Variants in RNF150 observed in about 807,000 individuals in gnomAD.
RNF150 encodes ring finger protein 150.
In RNF150, 24 loss-of-function variants were observed where a neutral mutation model predicts 39.3. The ratio of observed to expected loss-of-function variants is 0.61; its 90% CI spans 0.44 to 0.86. The LOEUF (loss-of-function observed/expected upper bound fraction) is 0.86. Ranked by LOEUF, RNF150 falls within the 40% of genes least tolerant of loss-of-function variation. RNF150 has a pLI of 0.00. For synonymous variants in RNF150, 255 were observed against 227.3 expected, an observed-to-expected ratio of 1.12 and a Z score of -1.10; for missense variants, 502 against 587.8, an observed-to-expected ratio of 0.85 and a Z score of 1.51.
At chr4:141,034,883 G>A (rs1560700948) in intron 1 of RNF150, among the ~76,000 whole-genome samples, 1 of 152,024 alleles carries the variant, frequency 6.6e-6, no homozygotes, top group South Asian at 2.1e-4. Flanking sequence ...CACCAAAACA[G>A]ATATAATAAT....
At position 140,933,014 on chromosome 4, in the gene RNF150, G is replaced by A. The variant is rs758431907; in HGVS notation, c.891-6941C>T. On this transcript the variant is annotated intron_variant, in intron 4 of 6. Transcript: ENST00000515673. ...GTTGCTGTTACTGCATCAAAGCTTC[G>A]CCTATCCTGACTAGTAAAATAACTT... is the stretch of plus-strand genomic sequence containing the variant. Among the ~76,000 whole-genome samples, 6 of 152,162 alleles carry A rather than the reference G, an allele frequency of 3.9e-5. No individual in the cohort carries two copies. In the South Asian group the frequency reaches 6.2e-4, roughly 16 times the overall value.
chr4:140,911,522 T>C (rs1730605520), intron 5 of RNF150, among the ~76,000 whole-genome samples, 168 bp from the exon 6 acceptor site: 2 of 152,164 alleles, frequency 1.3e-5, no homozygotes, highest in Non-Finnish European at 2.9e-5. Context: ...AAGATTAACA[T>C]AAAAAGATCT....
chr4:141,023,224 AGATGATGAT>A (rs34239783), intron 1 of RNF150, among the ~76,000 whole-genome samples: 62 of 150,492 alleles, frequency 4.1e-4, no homozygotes, highest in Non-Finnish European at 6.9e-4. Context: ...GAAACTGGTG[AGATGATGAT>A]GATGATGATG....
intron 6 of RNF150, among the ~76,000 whole-genome samples, chr4:140,888,844 G>A (rs1465267850): frequency 6.6e-6 from 1 of 152,162 alleles, no homozygotes; most frequent in Non-Finnish European, 1.5e-5. Flanking sequence ...CTGGCTCAAA[G>A]AAATCCTTAA....
chr4:140,958,092 C>T (rs1237146610), intron 2 of RNF150, among the ~76,000 whole-genome samples: 2 of 151,792 alleles, frequency 1.3e-5, no homozygotes, highest in Admixed American at 1.3e-4. Flanking sequence ...ACAGCATAAC[C>T]ACTACTTACA....
chr4:140,862,054 G>A lies in RNF150; in HGVS notation c.*6207C>T, dbSNP rs1728512875. 6.6e-6 allele frequency: 1 copy of A among 152,122 alleles called. No homozygotes were observed. Among genetic ancestry groups the A allele is most frequent in the Admixed American group, 6.5e-5 (1 of 15,272 alleles). 9.4% of individuals were successfully genotyped at this position (152,122 alleles called of 1,614,324 possible). On this transcript the variant is annotated 3_prime_UTR_variant, in exon 7 of 7. Transcript: ENST00000515673. ...GAAGAAACATGTGTTCATTTGGATG[G>A]TGATCAGTCTTTGGTTTATATAGCA...
rs545734685 is a variant in RNF150 at position 141,129,246 on chromosome 4, T to G, written c.484+3079A>C. The stretch of plus-strand genomic sequence containing the variant: ...AGTTGATGAATAAATACACAAAATG[T>G]GATATATCCATACAACGAAATATTA... On this transcript the variant is annotated intron_variant, in intron 1 of 6. Transcript: ENST00000515673. Among the ~76,000 whole-genome samples, 85 of 152,316 alleles carry G rather than the reference T, an allele frequency of 5.6e-4. 2 individuals carry two copies. Among genetic ancestry groups the G allele is most frequent in the African/African-American group, 1.9e-3 (81 of 41,564 alleles).
chr4:140,886,354 G>T (rs975417251), intron 6 of RNF150, among the ~76,000 whole-genome samples: 2 of 152,112 alleles, frequency 1.3e-5, no homozygotes, highest in African/African-American at 4.8e-5. Context: ...AGTGGAGTGG[G>T]TAGTAGTGAA....
At chr4:141,142,627 T>C (rs1727137119) in intron 1 of RNF150, among the ~76,000 whole-genome samples, 1 of 152,198 alleles carries the variant, frequency 6.6e-6, no homozygotes, top group Non-Finnish European at 1.5e-5. Flanking sequence ...GACTGCTGCT[T>C]TGTCAGATTC....
In RNF150 at chr4:140,860,318, G is replaced by C. The variant is rs1161651336; in HGVS notation, c.*7943C>G. ...CAACTTTGTACAGAAGATTAGTTTT[G>C]GGTAAAAACGCTACATAATTCACTA... On this transcript the variant is annotated 3_prime_UTR_variant, in exon 7 of 7. Transcript: ENST00000515673. 1.3e-5 allele frequency: 2 copies of C among 152,022 alleles called. No individual in the cohort carries two copies. The highest frequency in any genetic ancestry group is 4.8e-5 in the African/African-American group (2 of 41,412). 9.4% of individuals were successfully genotyped at this position (152,022 alleles called of 1,614,324 possible).
At chr4:141,175,205 G>C (rs373526177) in intron 1 of RNF150, among the ~76,000 whole-genome samples, 14 of 152,320 alleles carry the variant, frequency 9.2e-5, no homozygotes, top group African/African-American at 3.1e-4. Flanking sequence ...ACATTAAGCC[G>C]ATTCGCTGTG....
chr4:140,868,075 C>A lies in RNF150; in HGVS notation c.*186G>T, dbSNP rs1156885705. On this transcript the variant is annotated 3_prime_UTR_variant, in exon 7 of 7. Transcript: ENST00000515673. The stretch of plus-strand genomic sequence containing the variant: ...CTGCCAAGGCCACAGACTGCCATAC[C>A]GATGGAGAAACTGCATCCTGATTGA... The A allele has an allele frequency of 1.8e-6, 1 of 543,024 alleles. No homozygotes were observed. 33.6% of individuals were successfully genotyped at this position (543,024 alleles called of 1,614,324 possible). A position where few individuals can be genotyped will look rare whatever the true frequency, so the allele number is the denominator to read the frequency against.
At chr4:140,883,587 T>C (rs1729453870) in intron 6 of RNF150, among the ~76,000 whole-genome samples, 2 of 152,194 alleles carry the variant, frequency 1.3e-5, no homozygotes, top group African/African-American at 4.8e-5. Context: ...TTCTCAGTAC[T>C]TTAAATATAT....
At chr4:141,076,554 C>G (rs1476356196) in intron 1 of RNF150, among the ~76,000 whole-genome samples, 1 of 151,580 alleles carries the variant, frequency 6.6e-6, no homozygotes, top group Non-Finnish European at 1.5e-5. Context: ...TTTTACTGTT[C>G]TTCATCTAGT....
chr4:141,118,260 A>G (rs992715909), intron 1 of RNF150, among the ~76,000 whole-genome samples: 1 of 152,254 alleles, frequency 6.6e-6, no homozygotes, highest in Admixed American at 6.5e-5. Context: ...GTTAGGTCAT[A>G]CCCACCTGCA....
At chr4:141,049,522 A>T (rs1736701107) in intron 1 of RNF150, among the ~76,000 whole-genome samples, 1 of 152,196 alleles carries the variant, frequency 6.6e-6, no homozygotes, top group South Asian at 2.1e-4. Context: ...TTTAAAAAAG[A>T]AGTACAGAAG....
At chr4:140,937,747 T>C (rs2111349770) in intron 4 of RNF150, among the ~76,000 whole-genome samples, 1 of 152,076 alleles carries the variant, frequency 6.6e-6, no homozygotes, top group African/African-American at 2.4e-5. Context: ...GTCAGATTAT[T>C]TTTGTTTACT....
At chr4:140,953,903 T>G (rs1732643530) in intron 2 of RNF150, among the ~76,000 whole-genome samples, 1 of 152,228 alleles carries the variant, frequency 6.6e-6, no homozygotes, top group South Asian at 2.1e-4. Context: ...TCTTTGGGTT[T>G]TTGATTGCAC....
intron 1 of RNF150, among the ~76,000 whole-genome samples, chr4:141,042,452 A>G (rs1736407708): frequency 6.6e-6 from 1 of 152,082 alleles, no homozygotes; most frequent in Non-Finnish European, 1.5e-5. Flanking sequence ...TAAAATTTCA[A>G]CTAGTTTAAT....
Sources: allele counts gnomAD v4.1 joint callset (sites outside exome capture counted in the v4.1 genomes callset), GRCh38; gene constraint gnomAD v4.1.1; transcripts MANE v1.5; gene names NCBI Gene and HGNC (gene_info 2026-07-23, HGNC 2026-07-21).